Variants in HHIPL1 observed in about 807,000 individuals in gnomAD.
HHIPL1 encodes the protein HHIP like 1.
Under a neutral mutation model 61.8 loss-of-function variants are expected in HHIPL1, and 43 were observed. That is an observed-to-expected ratio of 0.70 (90% CI 0.55 to 0.90). HHIPL1 has a LOEUF of 0.90. Ranked by LOEUF, HHIPL1 falls within the 40% of genes least tolerant of loss-of-function variation. The pLI is 0.00. For synonymous variants in HHIPL1, 482 were observed against 515.8 expected (o/e 0.93, Z 0.89); for missense variants, 1,056 against 1,157.7 (o/e 0.91, Z 1.28).
intron 5 of HHIPL1, among the ~76,000 whole-genome samples, chr14:99,661,418 A>G (rs1430463461): frequency 2.0e-4 from 11 of 55,124 alleles, no homozygotes; most frequent in South Asian, 1.4e-3. Flanking sequence ...AGAGAGAGAG[A>G]AAAGAAGGAA....
At chr14:99,623,294 C>T in the HHIPL1 span, among the ~76,000 whole-genome samples, 2 of 152,212 alleles carry the variant, frequency 1.3e-5, no homozygotes, top group Non-Finnish European at 2.9e-5. Flanking sequence ...GAGAAAACCA[C>T]AATTCCTTAA....
At chr14:99,654,932 G>A (rs1352876726) in intron 2 of HHIPL1, among the ~76,000 whole-genome samples, 1 of 152,148 alleles carries the variant, frequency 6.6e-6, no homozygotes, top group African/African-American at 2.4e-5. Flanking sequence ...AAAGACTTGA[G>A]GTGGAACACA....
At chr14:99,671,495 G>T (rs1048652554) in intron 7 of HHIPL1, among the ~76,000 whole-genome samples, 1 of 152,138 alleles carries the variant, frequency 6.6e-6, no homozygotes, top group Non-Finnish European at 1.5e-5. Context: ...AAGCCTGTCT[G>T]GAGGCCACTC....
chr14:99,616,739 G>A, the HHIPL1 span, among the ~76,000 whole-genome samples: 1 of 152,002 alleles, frequency 6.6e-6, no homozygotes, highest in East Asian at 1.9e-4. Context: ...AATAAAATAA[G>A]CCTATTATTG....
In HHIPL1 at chr14:99,678,085, AC is replaced by A. The variant is rs1350910330; in HGVS notation, c.*2460del. ...GGCATTAGATTCTCATAAGGAGTTC[AC>A]AGCCTAGATCCCTCGCATGCACAGT... On this transcript the variant is annotated 3_prime_UTR_variant, in exon 9 of 9. Transcript: ENST00000330710. 6.6e-6 allele frequency: 1 copy of A among 152,236 alleles called. No individual in the cohort carries two copies. Among genetic ancestry groups the A allele is most frequent in the African/African-American group, 2.4e-5 (1 of 41,440 alleles). 9.4% of individuals were successfully genotyped at this position (152,236 alleles called of 1,614,324 possible).
intron 2 of HHIPL1, among the ~76,000 whole-genome samples, chr14:99,654,088 C>G (rs1446950761): frequency 6.7e-6 from 1 of 148,466 alleles, no homozygotes; most frequent in Non-Finnish European, 1.5e-5. Context: ...ACCCGGGAGG[C>G]TGAGGCAGGA....
intron 6 of HHIPL1, among the ~76,000 whole-genome samples, chr14:99,664,893 G>A (rs1354952584): frequency 1.3e-5 from 2 of 151,414 alleles, no homozygotes; most frequent in Admixed American, 6.6e-5. Context: ...AAGATACAGG[G>A]GAAATTGTCC....
chr14:99,650,526 G>A lies in HHIPL1; in HGVS notation c.256-1698G>A, dbSNP rs546422650. 3.3e-5 allele frequency among the ~76,000 whole-genome samples: 5 copies of A among 152,350 alleles called. No homozygotes were observed. In the East Asian group the frequency reaches 9.6e-4, roughly 29 times the overall value. On this transcript the variant is annotated intron_variant, in intron 1 of 8. Transcript: ENST00000330710. ...GTGCAGGGAGGGTGCTGTGGTGTGG[G>A]GACACTTAACTGGCGTTGGGGATGG...
At chr14:99,634,385 G>T in the HHIPL1 span, among the ~76,000 whole-genome samples, 1 of 152,184 alleles carries the variant, frequency 6.6e-6, no homozygotes, top group Non-Finnish European at 1.5e-5. Context: ...AGCTAGAAGT[G>T]TTCACAGGTG....
At chr14:99,651,981 GTAGCTGC>G (rs1397560644) in intron 1 of HHIPL1, among the ~76,000 whole-genome samples, 1 of 152,174 alleles carries the variant, frequency 6.6e-6, no homozygotes. Context: ...GTGCTCCAGA[GTAGCTGC>G]TGCTGTTGCT....
At chr14:99,670,839 C>T (rs1344693096) in intron 7 of HHIPL1, among the ~76,000 whole-genome samples, 1 of 152,184 alleles carries the variant, frequency 6.6e-6, no homozygotes, top group Non-Finnish European at 1.5e-5. Context: ...TAACCCATTC[C>T]TTGGAATTTT....
the HHIPL1 span, among the ~76,000 whole-genome samples, chr14:99,609,940 A>G: frequency 1.5e-4 from 23 of 152,356 alleles, no homozygotes; most frequent in East Asian, 4.4e-3. Context: ...AAAGCACTCA[A>G]CAGGAGGTTT....
the HHIPL1 span, among the ~76,000 whole-genome samples, chr14:99,637,189 G>GAAGAAAGGAAGAAAGA: frequency 1.1e-3 from 83 of 78,416 alleles, no homozygotes; most frequent in East Asian, 3.8e-3. Flanking sequence ...AGAAAGAATG[G>GAAGAAAGGAAGAAAGA]AAGAAAGAAA....
chr14:99,625,205 G>GTGC, the HHIPL1 span: 1 of 152,238 alleles, frequency 6.6e-6, no homozygotes, highest in Admixed American at 6.5e-5. Context: ...AACTCTGCCT[G>GTGC]TGCAGCCCCG....
At position 99,678,792 on chromosome 14, in the gene HHIPL1, T is replaced by TACATAGA. The variant is rs1395238016; in HGVS notation, c.*3168_*3174dup. The stretch of plus-strand genomic sequence containing the variant: ...TGTGCCTGTGAGCACGTCTAACAGT[T>TACATAGA]ACATAGAATAGGGCTTGACAAAGAG... On this transcript the variant is annotated 3_prime_UTR_variant, in exon 9 of 9. Coordinates refer to ENST00000330710, the MANE Select transcript of HHIPL1 (RefSeq NM_001127258.3). 1 of 152,258 alleles carries TACATAGA rather than the reference T, an allele frequency of 6.6e-6. No individual in the cohort carries two copies. The highest frequency in any genetic ancestry group is 2.4e-5 in the African/African-American group (1 of 41,460). The allele number at this position is 152,258 out of a possible 1,614,324, so 9.4% of individuals were successfully genotyped here.
chr14:99,635,451 G>A, the HHIPL1 span, among the ~76,000 whole-genome samples: 18 of 152,154 alleles, frequency 1.2e-4, no homozygotes, highest in Non-Finnish European at 2.1e-4. Flanking sequence ...AAACTTCCAG[G>A]AAAGGAAAGT....
intron 6 of HHIPL1, among the ~76,000 whole-genome samples, chr14:99,664,392 A>G (rs1464474555): frequency 6.6e-6 from 1 of 152,168 alleles, no homozygotes; most frequent in African/African-American, 2.4e-5. Flanking sequence ...TAGGGGGTTA[A>G]TGTGTTTTAG....
Position 99,680,453 on chromosome 14 carries a change from T to G in HHIPL1, c.*4827T>G. The G allele has an allele frequency of 6.6e-6, 1 of 152,206 alleles. No individual in the cohort carries two copies. The highest frequency in any genetic ancestry group is 1.9e-4 in the East Asian group (1 of 5,198). The allele number at this position is 152,206 out of a possible 1,614,324, so 9.4% of individuals were successfully genotyped here. ...CTGGGTAATGCTAATCCTCCTGTTC[T>G]AGGGGCCATAGTCATTGTCCATACT... On this transcript the variant is annotated 3_prime_UTR_variant, in exon 9 of 9. Transcript: ENST00000330710.
At chr14:99,673,406 C>T (rs1057349247) in intron 8 of HHIPL1, among the ~76,000 whole-genome samples, 13 of 150,230 alleles carry the variant, frequency 8.7e-5, no homozygotes, top group South Asian at 6.5e-4. Context: ...CTGGCTGGGA[C>T]GGACAGAGAT....
Sources: gnomAD v4.1 joint callset for allele counts (sites outside exome capture counted in the v4.1 genomes callset) on GRCh38, gnomAD v4.1.1 for gene constraint, MANE v1.5 for transcripts, NCBI Gene and HGNC (gene_info 2026-07-23, HGNC 2026-07-21) for gene names.